The following ENTREP2 variants were observed in gnomAD, a reference collection of about 807,000 sequenced individuals.
ENTREP2 encodes endosomal transmembrane epsin interactor 2.
At chr15:29,229,407 T>C in the ENTREP2 span, among the ~76,000 whole-genome samples, 186 of 152,274 alleles carry the variant, frequency 1.2e-3, no homozygotes, top group African/African-American at 4.3e-3. Flanking sequence ...CCACCCCCTA[T>C]ACCTGACATT....
the ENTREP2 span, among the ~76,000 whole-genome samples, chr15:29,127,990 C>T: frequency 2.0e-5 from 3 of 152,342 alleles, no homozygotes; most frequent in South Asian, 4.1e-4. Flanking sequence ...AAAGATGCTG[C>T]GCTCTACAAC....
chr15:29,345,731 T>A, the ENTREP2 span, among the ~76,000 whole-genome samples: 1 of 151,166 alleles, frequency 6.6e-6, no homozygotes, highest in Non-Finnish European at 1.5e-5. Flanking sequence ...TGTCCTGGGC[T>A]CTGCTTCTGG....
the ENTREP2 span, chr15:29,126,584 C>T: frequency 1.9e-6 from 2 of 1,065,552 alleles, no homozygotes; most frequent in South Asian, 3.1e-5. Context: ...CCTAGATGAA[C>T]TCTGAAACCC....
At chr15:29,170,570 CACA>C in the ENTREP2 span, among the ~76,000 whole-genome samples, 5 of 151,554 alleles carry the variant, frequency 3.3e-5, no homozygotes, top group African/African-American at 4.9e-5. Flanking sequence ...CAACAAAGAC[CACA>C]ACAAGACTGT....
the ENTREP2 span, among the ~76,000 whole-genome samples, chr15:29,293,310 G>A: frequency 1.4e-4 from 22 of 152,176 alleles, 1 homozygote; most frequent in East Asian, 4.1e-3. Flanking sequence ...GAGTGCAGTG[G>A]CACAATCTCG....
the ENTREP2 span, among the ~76,000 whole-genome samples, chr15:29,621,673 T>C: frequency 6.8e-6 from 1 of 146,546 alleles, no homozygotes; most frequent in Non-Finnish European, 1.5e-5. Flanking sequence ...TTGGTAGGAA[T>C]GTAAAATAGT....
At chr15:29,622,945 T>C in the ENTREP2 span, among the ~76,000 whole-genome samples, 7 of 152,154 alleles carry the variant, frequency 4.6e-5, no homozygotes, top group African/African-American at 1.7e-4. Flanking sequence ...GAACTTCCTT[T>C]GGGAAGCTGG....
chr15:29,472,446 C>CAG, the ENTREP2 span, among the ~76,000 whole-genome samples: 1 of 147,622 alleles, frequency 6.8e-6, no homozygotes, highest in East Asian at 1.9e-4. Flanking sequence ...CACACACACA[C>CAG]ACACACACAC....
the ENTREP2 span, among the ~76,000 whole-genome samples, chr15:29,280,527 C>T: frequency 6.6e-6 from 1 of 152,186 alleles, no homozygotes; most frequent in African/African-American, 2.4e-5. Flanking sequence ...ACAGAATGGA[C>T]TCTGTAACCT....
the ENTREP2 span, among the ~76,000 whole-genome samples, chr15:29,246,132 C>T: frequency 1.5e-4 from 23 of 152,308 alleles, no homozygotes; most frequent in Admixed American, 1.4e-3. Flanking sequence ...TGGCTTACGC[C>T]TGTAAACCCA....
the ENTREP2 span, among the ~76,000 whole-genome samples, chr15:29,561,043 A>G: frequency 9.6e-3 from 29 of 3,034 alleles, no homozygotes; most frequent in African/African-American, 0.12. Flanking sequence ...CTAAACCACA[A>G]TGAGATATCA....
the ENTREP2 span, among the ~76,000 whole-genome samples, chr15:29,536,319 A>G: frequency 2.0e-5 from 3 of 152,180 alleles, no homozygotes; most frequent in African/African-American, 7.2e-5. Flanking sequence ...TTCAGGTTAA[A>G]TTAAGATACT....
the ENTREP2 span, among the ~76,000 whole-genome samples, chr15:29,527,125 G>A: frequency 6.6e-6 from 1 of 152,126 alleles, no homozygotes; most frequent in Non-Finnish European, 1.5e-5. Context: ...AGCTCAGCCT[G>A]CTCTCCTGAG....
chr15:29,588,286 T>C, the ENTREP2 span, among the ~76,000 whole-genome samples: 2 of 151,998 alleles, frequency 1.3e-5, no homozygotes, highest in Non-Finnish European at 2.9e-5. Context: ...CCAAATGTCC[T>C]CGGCACTTCA....
At chr15:29,119,742 G>T in the ENTREP2 span, among the ~76,000 whole-genome samples, 4 of 150,958 alleles carry the variant, frequency 2.6e-5, no homozygotes, top group African/African-American at 9.9e-5. Flanking sequence ...AAACAAGAAT[G>T]CCAGGGATGG....
the ENTREP2 span, among the ~76,000 whole-genome samples, chr15:29,328,222 G>A: frequency 6.6e-6 from 1 of 152,318 alleles, no homozygotes; most frequent in East Asian, 1.9e-4. Context: ...ATGGCATTCT[G>A]GAAAGGGCAA....
the ENTREP2 span, among the ~76,000 whole-genome samples, chr15:29,182,647 T>C: frequency 8.6e-5 from 13 of 151,572 alleles, no homozygotes; most frequent in African/African-American, 2.7e-4. Context: ...TGTGTATATA[T>C]GAGAAAGAAA....
At chr15:29,126,987 C>CCAG in the ENTREP2 span, among the ~76,000 whole-genome samples, 1 of 152,108 alleles carries the variant, frequency 6.6e-6, no homozygotes, top group Non-Finnish European at 1.5e-5. Context: ...GGACGCCACG[C>CCAG]CAGCAGCAGC....
the ENTREP2 span, among the ~76,000 whole-genome samples, chr15:29,336,045 G>A: frequency 6.7e-6 from 1 of 149,604 alleles, no homozygotes; most frequent in African/African-American, 2.4e-5. Flanking sequence ...AAGAGGCTGA[G>A]GCAGGAGAAT....
Sources: allele counts gnomAD v4.1 joint callset (sites outside exome capture counted in the v4.1 genomes callset), GRCh38; gene constraint gnomAD v4.1.1; transcripts MANE v1.5; gene names NCBI Gene and HGNC (gene_info 2026-07-23, HGNC 2026-07-21).